Variants in PPP2R5E observed in about 807,000 individuals in gnomAD.
PPP2R5E encodes the protein serine/threonine-protein phosphatase 2A 56 kDa regulatory subunit epsilon isoform.
A neutral mutation model predicts 65.3 loss-of-function variants in PPP2R5E; 4 were observed. That is an observed-to-expected ratio of 0.06 (90% CI 0.03 to 0.14). PPP2R5E has a LOEUF of 0.14. Ranked by LOEUF, PPP2R5E falls within the 10% of genes least tolerant of loss-of-function variation. PPP2R5E has a pLI of 1.00. For missense variants in PPP2R5E, 274 were observed against 556.1 expected, an observed-to-expected ratio of 0.49 and a Z score of 5.10; for synonymous variants, 183 against 187.4, an observed-to-expected ratio of 0.98 and a Z score of 0.19.
intron 3 of PPP2R5E, among the ~76,000 whole-genome samples, chr14:63,433,611 G>A (rs746642704): frequency 1.1e-4 from 16 of 152,012 alleles, no homozygotes; most frequent in Non-Finnish European, 1.5e-4. Context: ...AGAAAGGTGC[G>A]CGCTGCTCTC....
chr14:63,472,257 G>A (rs371964423), intron 2 of PPP2R5E, among the ~76,000 whole-genome samples: 1 of 152,046 alleles, frequency 6.6e-6, no homozygotes, highest in Non-Finnish European at 1.5e-5. Context: ...CTGAGATCAC[G>A]CCATTTCACT....
At chr14:63,487,916 C>T (rs1192934079) in intron 2 of PPP2R5E, among the ~76,000 whole-genome samples, 1 of 152,134 alleles carries the variant, frequency 6.6e-6, no homozygotes, top group Non-Finnish European at 1.5e-5. Flanking sequence ...TAGTAACTTC[C>T]TCTTCTTTAT....
chr14:63,394,387 G>T (rs530751162), intron 7 of PPP2R5E, among the ~76,000 whole-genome samples: 1 of 152,066 alleles, frequency 6.6e-6, no homozygotes, highest in South Asian at 2.1e-4. Context: ...ACCCAGCCAG[G>T]ATTTCTTAAT....
At chr14:63,417,366 G>T (rs1332365294) in intron 4 of PPP2R5E, among the ~76,000 whole-genome samples, 1 of 151,870 alleles carries the variant, frequency 6.6e-6, no homozygotes, top group African/African-American at 2.4e-5. Context: ...TTTGTCAGTG[G>T]TAACAAATAT....
intron 3 of PPP2R5E, among the ~76,000 whole-genome samples, chr14:63,443,741 G>A (rs1449174526): frequency 6.6e-6 from 1 of 151,912 alleles, no homozygotes; most frequent in Non-Finnish European, 1.5e-5. Context: ...TCCAAAGCCT[G>A]CTCTCCCTAC....
intron 2 of PPP2R5E, among the ~76,000 whole-genome samples, chr14:63,507,454 C>T (rs896533240): frequency 8.7e-5 from 13 of 150,156 alleles, no homozygotes; most frequent in Admixed American, 5.3e-4. Context: ...ATTAACTTTA[C>T]TAAAAATACC....
chr14:63,491,379 A>T (rs905946139), intron 2 of PPP2R5E, among the ~76,000 whole-genome samples: 112 of 151,278 alleles, frequency 7.4e-4, no homozygotes, highest in Middle Eastern at 3.2e-3. Flanking sequence ...CTATAATTTT[A>T]AAAAAAAAGC....
intron 2 of PPP2R5E, among the ~76,000 whole-genome samples, chr14:63,496,005 G>T (rs1225479404): frequency 6.6e-6 from 1 of 152,046 alleles, no homozygotes. Flanking sequence ...ATATGGTTAA[G>T]CCATCTACAG....
chr14:63,519,062 AAATT>A (rs1892776715), intron 2 of PPP2R5E, among the ~76,000 whole-genome samples: 1 of 152,126 alleles, frequency 6.6e-6, no homozygotes, highest in Admixed American at 6.5e-5. Context: ...TAAAAATACA[AAATT>A]AGCCAGGCGT....
chr14:63,527,032 G>A (rs1418702514), intron 2 of PPP2R5E, among the ~76,000 whole-genome samples: 1 of 152,196 alleles, frequency 6.6e-6, no homozygotes, highest in Admixed American at 6.5e-5. Flanking sequence ...AGTCAGTTGT[G>A]GTGGCACATG....
chr14:63,462,935 T>C (rs997984153), intron 2 of PPP2R5E, among the ~76,000 whole-genome samples: 1 of 151,460 alleles, frequency 6.6e-6, no homozygotes, highest in Non-Finnish European at 1.5e-5. Flanking sequence ...AAACTCTATC[T>C]CTACTAAAAA....
rs1172022697 is a variant in PPP2R5E, at chr14:63,371,526, C to G, written c.*4483G>C. The G allele has an allele frequency of 6.6e-6, 1 of 152,154 alleles. No homozygotes were observed. Among genetic ancestry groups the G allele is most frequent in the Non-Finnish European group, 1.5e-5 (1 of 68,022 alleles). The allele number at this position is 152,154 out of a possible 1,614,324, so 9.4% of individuals were successfully genotyped here. A position where few individuals can be genotyped will look rare whatever the true frequency, so the allele number is the denominator to read the frequency against. Reference sequence around the variant, plus strand: ...TTTCCAAAGAAAAACATTTTAAATTCCAAGTGTTTAAGACTCAGCTTGTAT... The same window carrying G: ...TTTCCAAAGAAAAACATTTTAAATTGCAAGTGTTTAAGACTCAGCTTGTAT... On this transcript the variant is annotated 3_prime_UTR_variant, in exon 14 of 14. Coordinates refer to ENST00000337537, the MANE Select transcript of PPP2R5E (RefSeq NM_006246.5).
chr14:63,464,445 A>G (rs1889673070), intron 2 of PPP2R5E, among the ~76,000 whole-genome samples: 1 of 152,018 alleles, frequency 6.6e-6, no homozygotes, highest in Admixed American at 6.6e-5. Flanking sequence ...AAGGAGAGAA[A>G]TGGCAAGTGC....
chr14:63,387,954 C>T (rs1300225627), intron 11 of PPP2R5E, among the ~76,000 whole-genome samples: 1 of 152,166 alleles, frequency 6.6e-6, no homozygotes, highest in Non-Finnish European at 1.5e-5. Flanking sequence ...CAGAAACCAA[C>T]CATGCTGTCA....
chr14:63,402,316 T>C lies in PPP2R5E; in HGVS notation c.550-5600A>G, dbSNP rs913468151. On this transcript the variant is annotated intron_variant, in intron 5 of 13. Coordinates refer to ENST00000337537, the MANE Select transcript of PPP2R5E (RefSeq NM_006246.5). ...CAGTTATGCCATTCAAAGTCACCAG[T>C]TGCCAAGTGTCACCATGCAAATATA... Among the ~76,000 whole-genome samples, 8 of 152,166 alleles carry C rather than the reference T, an allele frequency of 5.3e-5. No individual in the cohort carries two copies. The East Asian group carries it at 9.6e-4, about 18-fold the overall frequency.
chr14:63,417,621 A>G (rs1021712600), intron 4 of PPP2R5E, among the ~76,000 whole-genome samples: 13 of 152,196 alleles, frequency 8.5e-5, no homozygotes, highest in African/African-American at 3.1e-4. Flanking sequence ...TATCATGTAG[A>G]ATATTTTTAA....
At chr14:63,436,587 T>C (rs1198029550) in intron 3 of PPP2R5E, among the ~76,000 whole-genome samples, 4 of 152,172 alleles carry the variant, frequency 2.6e-5, no homozygotes, top group African/African-American at 7.2e-5. Flanking sequence ...CATATAACCA[T>C]AGGTTCTGTC....
intron 10 of PPP2R5E, among the ~76,000 whole-genome samples, chr14:63,391,402 TTTG>T (rs1233724943): frequency 1.6e-5 from 2 of 122,546 alleles, no homozygotes; most frequent in African/African-American, 3.5e-5. Context: ...GCAGTTTTGC[TTTG>T]TTTTGTTTTG....
At chr14:63,411,361 T>C (rs1886375981) in intron 5 of PPP2R5E, among the ~76,000 whole-genome samples, 1 of 152,224 alleles carries the variant, frequency 6.6e-6, no homozygotes, top group Admixed American at 6.5e-5. Flanking sequence ...TAAAGGCTCC[T>C]ATCTCAACCC....
Sources: gnomAD v4.1 joint callset for allele counts (sites outside exome capture counted in the v4.1 genomes callset) on GRCh38, gnomAD v4.1.1 for gene constraint, MANE v1.5 for transcripts, NCBI Gene and HGNC (gene_info 2026-07-23, HGNC 2026-07-21) for gene names.